Variants in ARHGEF28 observed in about 807,000 individuals in gnomAD.
ARHGEF28 encodes Rho guanine nucleotide exchange factor 28, also known as 190 kDa guanine nucleotide exchange factor.
A neutral mutation model predicts 206.6 loss-of-function variants in ARHGEF28; 152 were observed. The observed-to-expected ratio is 0.74, with a 90% CI of 0.64 to 0.84. The LOEUF is 0.84. ARHGEF28 is among the 40% of genes least tolerant of loss of function. The pLI is 0.00. For missense variants in ARHGEF28, 2,028 were observed against 2,073.2 expected (o/e 0.98, Z 0.42); for synonymous variants, 763 against 776.4 (o/e 0.98, Z 0.29).
chr5:73,768,446 C>G (rs887965602), intron 4 of ARHGEF28, among the ~76,000 whole-genome samples: 1 of 152,178 alleles, frequency 6.6e-6, no homozygotes, highest in African/African-American at 2.4e-5. Context: ...TCAGTGTGAC[C>G]TGGATATGAG....
chr5:73,843,236 A>G (rs866371289), intron 11 of ARHGEF28, among the ~76,000 whole-genome samples: 12 of 152,322 alleles, frequency 7.9e-5, no homozygotes, highest in African/African-American at 2.9e-4. Context: ...TAATTTAGAC[A>G]AAATATCTGT....
intron 9 of ARHGEF28, among the ~76,000 whole-genome samples, chr5:73,798,506 A>G (rs1272467603): frequency 6.6e-6 from 1 of 152,166 alleles, no homozygotes; most frequent in East Asian, 1.9e-4. Context: ...AGGAGCTGAC[A>G]TCTATGTCTA....
chr5:73,686,594 C>A (rs917529338), intron 2 of ARHGEF28, among the ~76,000 whole-genome samples: 1 of 151,002 alleles, frequency 6.6e-6, no homozygotes, highest in Non-Finnish European at 1.5e-5. Context: ...TCTCGGCTCA[C>A]TGCAAGCTCC....
intron 9 of ARHGEF28, 21 bp from the exon 10 acceptor site, chr5:73,832,317 G>A: frequency 6.2e-7 from 1 of 1,611,038 alleles, no homozygotes. Flanking sequence ...TATTTGCCCT[G>A]TTTTCATTTT....
chr5:73,811,821 A>G (rs1403961209), intron 9 of ARHGEF28, among the ~76,000 whole-genome samples: 1 of 152,066 alleles, frequency 6.6e-6, no homozygotes, highest in Admixed American at 6.5e-5. Context: ...CATCTCTACT[A>G]AAAATACAAA....
At chr5:73,790,476 G>T (rs1447802778) in intron 7 of ARHGEF28, among the ~76,000 whole-genome samples, 1 of 152,116 alleles carries the variant, frequency 6.6e-6, no homozygotes, top group Non-Finnish European at 1.5e-5. Flanking sequence ...TGAGGCCAAG[G>T]ATTTCTTCCA....
At chr5:73,671,694 TTATATATATATATATATA>T (rs1182569252) in intron 1 of ARHGEF28, among the ~76,000 whole-genome samples, 48 of 76,108 alleles carry the variant, frequency 6.3e-4, no homozygotes, top group Middle Eastern at 9.6e-3. Context: ...TTGAACTTGA[TTATATATATATATATATA>T]TATATATATA....
intron 7 of ARHGEF28, among the ~76,000 whole-genome samples, chr5:73,781,381 C>G (rs948341549): frequency 2.0e-5 from 3 of 152,180 alleles, no homozygotes; most frequent in Non-Finnish European, 2.9e-5. Context: ...TGTTCCTACT[C>G]TATTCCACAA....
chr5:73,726,599 A>C (rs1750290097), intron 2 of ARHGEF28, among the ~76,000 whole-genome samples: 1 of 152,250 alleles, frequency 6.6e-6, no homozygotes, highest in Non-Finnish European at 1.5e-5. Context: ...TACTAAGCAC[A>C]GTGTAAGTTG....
At chr5:73,897,769 G>C (rs1474478151) in intron 29 of ARHGEF28, among the ~76,000 whole-genome samples, 193 bp from the exon 30 acceptor site, 1 of 152,232 alleles carries the variant, frequency 6.6e-6, no homozygotes, top group Non-Finnish European at 1.5e-5. Flanking sequence ...TCTGGGGTGT[G>C]TGTGTGTGGT....
intron 9 of ARHGEF28, among the ~76,000 whole-genome samples, chr5:73,801,682 C>T (rs1182148675): frequency 1.3e-5 from 2 of 152,102 alleles, no homozygotes; most frequent in African/African-American, 4.8e-5. Context: ...TCTCTCTCTA[C>T]ACCCCAGGCT....
At chr5:73,632,444 T>A (rs192439983) in intron 1 of ARHGEF28, among the ~76,000 whole-genome samples, 16 of 152,364 alleles carry the variant, frequency 1.1e-4, no homozygotes, top group Admixed American at 1.0e-3. Context: ...TTGACCAGTC[T>A]GTCCTTGAAT....
At position 73,671,832 on chromosome 5, in the gene ARHGEF28, T is replaced by G. The variant is rs532372326; in HGVS notation, c.-11-13009T>G. ...GTGCAGTGGCGCGATCTCAGCTCAC[T>G]GCAACCTCCGCCTCCCGGTTTCAAG... is the stretch of plus-strand genomic sequence containing the variant. On this transcript the variant is annotated intron_variant, in intron 1 of 35. Coordinates refer to ENST00000513042, the MANE Select transcript of ARHGEF28 (RefSeq NM_001177693.2). 6.2e-4 allele frequency among the ~76,000 whole-genome samples: 85 copies of G among 137,322 alleles called. 2 individuals are homozygous for G. Among genetic ancestry groups the G allele is most frequent in the African/African-American group, 2.2e-3 (83 of 37,724 alleles). The allele number at this position is 137,322 out of a possible 152,430, so 90.1% of individuals were successfully genotyped here.
chr5:73,670,295 G>A (rs75173019), intron 1 of ARHGEF28, among the ~76,000 whole-genome samples: 204 of 152,252 alleles, frequency 1.3e-3, no homozygotes, highest in African/African-American at 4.7e-3. Flanking sequence ...ATTTCCTGAA[G>A]TTTCATCCAT....
intron 4 of ARHGEF28, among the ~76,000 whole-genome samples, chr5:73,762,697 T>G (rs376029174): frequency 2.0e-5 from 3 of 152,184 alleles, no homozygotes; most frequent in Admixed American, 6.5e-5. Context: ...TTGATTTTTT[T>G]TTGTTGTTGG....
chr5:73,894,300 C>T, intron 28 of ARHGEF28, 93 bp from the exon 29 acceptor site: 1 of 1,301,502 alleles, frequency 7.7e-7, no homozygotes, highest in Non-Finnish European at 1.0e-6. Context: ...GGTCTTACTG[C>T]TTGCTAATTA....
At chr5:73,819,473 G>T (rs1756439194) in intron 9 of ARHGEF28, among the ~76,000 whole-genome samples, 1 of 152,194 alleles carries the variant, frequency 6.6e-6, no homozygotes, top group African/African-American at 2.4e-5. Flanking sequence ...TAGCCAATCG[G>T]AATCCTTCCT....
chr5:73,843,829 T>C (rs1036546019), intron 11 of ARHGEF28, among the ~76,000 whole-genome samples: 1 of 152,212 alleles, frequency 6.6e-6, no homozygotes, highest in Non-Finnish European at 1.5e-5. Flanking sequence ...GACAAGTGTT[T>C]GTTTCATTCT....
At chr5:73,793,246 G>T (rs908006269) in intron 7 of ARHGEF28, among the ~76,000 whole-genome samples, 1 of 152,092 alleles carries the variant, frequency 6.6e-6, no homozygotes, top group African/African-American at 2.4e-5. Context: ...AAGGATTGTT[G>T]GTTTCTCTGC....
Sources: gnomAD v4.1 joint callset for allele counts (sites outside exome capture counted in the v4.1 genomes callset) on GRCh38, gnomAD v4.1.1 for gene constraint, MANE v1.5 for transcripts, NCBI Gene and HGNC (gene_info 2026-07-23, HGNC 2026-07-21) for gene names.